The following RNF220 variants were observed in gnomAD, a reference collection of about 807,000 sequenced individuals.
The protein encoded by RNF220 is ring finger protein 220.
A neutral mutation model predicts 67.1 loss-of-function variants in RNF220; 7 were observed. That is an observed-to-expected ratio of 0.10 (90% confidence interval 0.06 to 0.20). RNF220 has a LOEUF of 0.20. RNF220 is among the 10% of genes least tolerant of loss of function. The probability of loss-of-function intolerance (pLI) is 1.00; values close to 1 mark genes in which losing one functional copy is unlikely to be tolerated. For synonymous variants in RNF220, 270 were observed against 283.2 expected (o/e 0.95, Z 0.47); for missense variants, 565 against 740.3 (o/e 0.76, Z 2.75).
intron 2 of RNF220, among the ~76,000 whole-genome samples, chr1:44,455,020 G>A (rs1419802978): frequency 1.3e-5 from 2 of 152,152 alleles, no homozygotes; most frequent in African/African-American, 2.4e-5. Flanking sequence ...AAGTTTTTGT[G>A]CAAACGTAAG....
Position 44,491,911 on chromosome 1 carries a change from G to A in RNF220, c.625+79189G>A, listed in dbSNP as rs564485251. On this transcript the variant is annotated intron_variant, in intron 2 of 14. Coordinates refer to ENST00000361799, the MANE Select transcript of RNF220 (RefSeq NM_018150.4). ...ACTCCTGGTCTCAAGTGATCCACCC[G>A]CTTCGGCCTCCCAAAGTGCTGGAAT... 5.8e-4 allele frequency among the ~76,000 whole-genome samples: 89 copies of A among 152,212 alleles called. 1 individual carries two copies. The highest frequency in any genetic ancestry group is 6.8e-3 in the Middle Eastern group (2 of 294).
At chr1:44,576,943 G>A (rs116008722) in intron 2 of RNF220, among the ~76,000 whole-genome samples, 283 of 152,246 alleles carry the variant, frequency 1.9e-3, no homozygotes, top group African/African-American at 6.6e-3. Context: ...GGTCAAAGAC[G>A]GAAACTGCAG....
rs1647404441 is a variant in RNF220, at chr1:44,407,003, C to G, written c.-118+1473C>G. ...AAGCTCTCGCTTCCCGTTAAGCACA[C>G]CCTGCATTCTCGGGTCGTGGATGCA... On this transcript the variant is annotated intron_variant, in intron 1 of 14. Transcript: ENST00000361799. 3.3e-5 allele frequency among the ~76,000 whole-genome samples: 5 copies of G among 152,240 alleles called. No homozygotes were observed. The South Asian group carries it at 1.0e-3, about 31-fold the overall frequency.
chr1:44,443,101 C>T (rs1651728852), intron 2 of RNF220, among the ~76,000 whole-genome samples: 1 of 152,204 alleles, frequency 6.6e-6, no homozygotes, highest in South Asian at 2.1e-4. Context: ...AATATCTCTG[C>T]TGCTGAGCTT....
intron 2 of RNF220, among the ~76,000 whole-genome samples, chr1:44,496,566 G>C (rs901243923): frequency 1.6e-4 from 24 of 152,176 alleles, no homozygotes; most frequent in African/African-American, 5.6e-4. Flanking sequence ...AGTCCAAGGG[G>C]AAAAAGCCAC....
chr1:44,449,112 G>A (rs745946320), intron 2 of RNF220, among the ~76,000 whole-genome samples: 1 of 152,218 alleles, frequency 6.6e-6, no homozygotes, highest in African/African-American at 2.4e-5. Flanking sequence ...TAACCTCAAA[G>A]TTAGGAGCAT....
At chr1:44,551,774 C>T (rs886199044) in intron 2 of RNF220, among the ~76,000 whole-genome samples, 3 of 152,200 alleles carry the variant, frequency 2.0e-5, no homozygotes, top group African/African-American at 7.2e-5. Flanking sequence ...GTTATACATC[C>T]TAAGACTGAG....
intron 12 of RNF220, chr1:44,648,832 G>C (rs1644715593): frequency 6.6e-6 from 1 of 152,270 alleles, no homozygotes; most frequent in African/African-American, 2.4e-5. Context: ...CAGTATTGGT[G>C]GAGTGAGCAG....
chr1:44,587,331 G>T (rs12063308), intron 2 of RNF220, among the ~76,000 whole-genome samples: 245 of 151,780 alleles, frequency 1.6e-3, no homozygotes, highest in African/African-American at 5.7e-3. Context: ...TATTTTTAGT[G>T]AAGACAGGTT....
chr1:44,405,657 C>T (rs1647260462), intron 1 of RNF220, 127 bp downstream of exon 1: 2 of 248,378 alleles, frequency 8.1e-6, no homozygotes, highest in Admixed American at 1.1e-4. Flanking sequence ...GGGCGGTTCC[C>T]TCTGGACGGG....
Position 44,608,829 on chromosome 1 carries a change from T to C in RNF220, c.626-5336T>C, listed in dbSNP as rs75491243. ...ACTGAGTGGTAAAAGATCTGGATCATAGAAGGGAAGAAGGCCAGATATAGG... is the reference window on the plus strand; with the variant it reads ...ACTGAGTGGTAAAAGATCTGGATCACAGAAGGGAAGAAGGCCAGATATAGG... On this transcript the variant is annotated intron_variant, in intron 2 of 14. Transcript: ENST00000361799. Among the ~76,000 whole-genome samples, 4 of 152,192 alleles carry C rather than the reference T, an allele frequency of 2.6e-5. No homozygotes were observed. In the East Asian group the frequency reaches 5.8e-4, roughly 22 times the overall value.
At chr1:44,448,717 C>T (rs772027025) in intron 2 of RNF220, among the ~76,000 whole-genome samples, 9 of 152,206 alleles carry the variant, frequency 5.9e-5, no homozygotes, top group Non-Finnish European at 1.3e-4. Flanking sequence ...TTTAGTGTCT[C>T]GCCCTTGCCC....
chr1:44,581,599 A>T (rs79209054), intron 2 of RNF220, among the ~76,000 whole-genome samples: 10,102 of 152,238 alleles, frequency 0.066, 649 homozygotes, highest in East Asian at 0.16. Flanking sequence ...TTTTCCTAAG[A>T]CGATCATCCT....
intron 2 of RNF220, among the ~76,000 whole-genome samples, chr1:44,487,231 G>A (rs2148039914): frequency 6.6e-6 from 1 of 151,966 alleles, no homozygotes; most frequent in Admixed American, 6.6e-5. Context: ...GCTACTTGAG[G>A]GGCTGAAGCA....
chr1:44,542,167 G>A (rs1661724222), intron 2 of RNF220, among the ~76,000 whole-genome samples: 1 of 152,204 alleles, frequency 6.6e-6, no homozygotes, highest in African/African-American at 2.4e-5. Context: ...CAGACCCAGT[G>A]GACCCTCACA....
chr1:44,455,052 G>A (rs1653042969), intron 2 of RNF220, among the ~76,000 whole-genome samples: 1 of 152,278 alleles, frequency 6.6e-6, no homozygotes, highest in East Asian at 1.9e-4. Flanking sequence ...CTTGAGTAAA[G>A]AACAATGAGC....
At chr1:44,409,334 C>T (rs1647737784) in intron 1 of RNF220, among the ~76,000 whole-genome samples, 3 of 152,208 alleles carry the variant, frequency 2.0e-5, no homozygotes, top group Admixed American at 2.0e-4. Context: ...GTGGATTGAT[C>T]CCTCCTCCTT....
rs1037527496 is a variant in RNF220, at chr1:44,556,121, G to A, written c.626-58044G>A. Among the ~76,000 whole-genome samples, 17 of 148,860 alleles carry A rather than the reference G, an allele frequency of 1.1e-4. 1 individual carries two copies. The highest frequency in any genetic ancestry group is 8.1e-4 in the East Asian group (4 of 4,960). On this transcript the variant is annotated intron_variant, in intron 2 of 14. Transcript: ENST00000361799. ...ACAATCTCGGTACACTGCAACTTCC[G>A]CCTCCCAGGTTCAAGCAATTCTTGT... is the stretch of plus-strand genomic sequence containing the variant.
intron 2 of RNF220, among the ~76,000 whole-genome samples, chr1:44,582,750 A>G (rs1454574813): frequency 7.6e-6 from 1 of 131,886 alleles, no homozygotes; most frequent in African/African-American, 2.9e-5. Context: ...TAGTGAGACT[A>G]CATCTCAAAA....
Sources: gnomAD v4.1 joint callset for allele counts (sites outside exome capture counted in the v4.1 genomes callset) on GRCh38, gnomAD v4.1.1 for gene constraint, MANE v1.5 for transcripts, NCBI Gene and HGNC (gene_info 2026-07-23, HGNC 2026-07-21) for gene names.